DIAPH2: variants seen among roughly 807,000 people sequenced by gnomAD.
DIAPH2 encodes the protein diaphanous related formin 2.
Under a neutral mutation model 92.7 loss-of-function variants are expected in DIAPH2, and 35 were observed. That is an observed-to-expected ratio of 0.38 (90% CI 0.29 to 0.50). DIAPH2 has a LOEUF of 0.50. Among genes scored for constraint, DIAPH2 ranks in the 20% least tolerant of loss-of-function variants. The pLI is 0.94. For synonymous variants in DIAPH2, 301 were observed against 280.4 expected, an observed-to-expected ratio of 1.07 and a Z score of -0.73; for missense variants, 701 against 819.5, an observed-to-expected ratio of 0.86 and a Z score of 1.77.
intron 26 of DIAPH2, among the ~76,000 whole-genome samples, chrX:97,543,807 G>A (rs933847516): frequency 1.8e-5 from 2 of 111,132 alleles, no homozygotes; most frequent in African/African-American, 6.5e-5. Context: ...TGCCTGCCCA[G>A]GAGGAACTAT....
intron 19 of DIAPH2, 111 bp downstream of exon 19, chrX:97,075,372 A>G (rs1478159494): frequency 2.5e-6 from 1 of 397,610 alleles, no homozygotes; most frequent in African/African-American, 2.6e-5. Flanking sequence ...TTTTAAAAAG[A>G]CATTGAATAG....
chrX:97,079,132 G>A (rs758179096), intron 19 of DIAPH2, among the ~76,000 whole-genome samples: 6 of 110,433 alleles, frequency 5.4e-5, no homozygotes, highest in South Asian at 3.9e-4. Context: ...CACACTCTCC[G>A]GTTTGCCACA....
At chrX:97,196,806 G>C (rs1288997303) in intron 22 of DIAPH2, among the ~76,000 whole-genome samples, 1 of 103,107 alleles carries the variant, frequency 9.7e-6, no homozygotes, top group Non-Finnish European at 2.0e-5. Flanking sequence ...TTTTTTTTGA[G>C]ATGGAGTTTT....
At chrX:97,293,304 G>A (rs1372935108) in intron 23 of DIAPH2, among the ~76,000 whole-genome samples, 2 of 90,440 alleles carry the variant, frequency 2.2e-5, no homozygotes, top group African/African-American at 4.3e-5. Flanking sequence ...AGTCTGGAGT[G>A]CAGTGGCACA....
chrX:97,437,071 C>T (rs1479891526), intron 26 of DIAPH2, among the ~76,000 whole-genome samples: 1 of 111,031 alleles, frequency 9.0e-6, no homozygotes, highest in Admixed American at 9.6e-5. Context: ...AAGCTCATAA[C>T]AGATCCCACG....
intron 22 of DIAPH2, among the ~76,000 whole-genome samples, chrX:97,231,861 A>G (rs1194522620): frequency 2.7e-5 from 3 of 111,461 alleles, no homozygotes; most frequent in Non-Finnish European, 3.8e-5. Context: ...AACAACACAA[A>G]AACATCCTCC....
At chrX:96,796,642 C>T (rs1004786412) in intron 4 of DIAPH2, among the ~76,000 whole-genome samples, 3 of 111,328 alleles carry the variant, frequency 2.7e-5, no homozygotes, top group Non-Finnish European at 5.7e-5. Context: ...TTATATTATG[C>T]ATCTTAACTT....
intron 4 of DIAPH2, among the ~76,000 whole-genome samples, chrX:96,837,433 C>CTGTG (rs1168572857): frequency 1.1e-3 from 47 of 41,330 alleles, no homozygotes; most frequent in African/African-American, 2.6e-3. Flanking sequence ...CTCTCTCTCT[C>CTGTG]TGTGTGTGTG....
chrX:96,816,462 A>G (rs912494812), intron 4 of DIAPH2, among the ~76,000 whole-genome samples: 1 of 112,504 alleles, frequency 8.9e-6, no homozygotes, highest in Non-Finnish European at 1.9e-5. Context: ...AGAGAGATGC[A>G]TATGAAAAGA....
At chrX:97,214,293 G>A (rs755041981) in intron 22 of DIAPH2, among the ~76,000 whole-genome samples, 3 of 111,115 alleles carry the variant, frequency 2.7e-5, no homozygotes, top group Non-Finnish European at 5.7e-5. Context: ...GTGTGTGCAT[G>A]TGTGTATAGT....
Position 97,585,115 on chromosome X carries a change from G to C in DIAPH2, c.3242-14138G>C, listed in dbSNP as rs759623527. ...TATATAAGCCTTTTTGTATATCAGT[G>C]ATCAGTACACTAGTCACTCATAAGG... is the stretch of plus-strand genomic sequence containing the variant. On this transcript the variant is annotated intron_variant, in intron 26 of 26. Transcript: ENST00000324765. 2.7e-5 allele frequency among the ~76,000 whole-genome samples: 3 copies of C among 111,611 alleles called. No individual in the cohort carries two copies. The East Asian group carries it at 8.5e-4, about 32-fold the overall frequency.
At chrX:97,359,419 T>A (rs1032050549) in intron 24 of DIAPH2, among the ~76,000 whole-genome samples, 14 of 109,358 alleles carry the variant, frequency 1.3e-4, no homozygotes, top group African/African-American at 4.7e-4. Context: ...AAAATGAGAG[T>A]AAGTGTCCTA....
At chrX:96,961,326 G>A in intron 16 of DIAPH2, among the ~76,000 whole-genome samples, 1 of 107,954 alleles carries the variant, frequency 9.3e-6, no homozygotes, top group Non-Finnish European at 1.9e-5. Flanking sequence ...AGTAGTCTCT[G>A]ATATCTTTTG....
At chrX:97,060,181 GAAGCAAC>G (rs1205875808) in intron 17 of DIAPH2, among the ~76,000 whole-genome samples, 1 of 112,578 alleles carries the variant, frequency 8.9e-6, no homozygotes, top group Non-Finnish European at 1.9e-5. Context: ...AGCCATGAGG[GAAGCAAC>G]AATGATCCCC....
chrX:96,758,252 C>T lies in DIAPH2; in HGVS notation c.441C>T (p.Ala147=). ...EMVVQYISAT[A]KSGGLKNSKH... ...TTGTCCAGTATATTTCTGCCACTGC[C>T]AAATCTGTAAGTAGGGAGATTTTTC... Residue 147 remains alanine (A), a synonymous_variant, in exon 4 of 27, where the codon GCC becomes GCT. Coordinates refer to ENST00000324765, the MANE Select transcript of DIAPH2 (RefSeq NM_006729.5). 1 of 1,198,426 alleles carries T rather than the reference C, an allele frequency of 8.3e-7. No homozygotes were observed. Among genetic ancestry groups the T allele is most frequent in the Non-Finnish European group, 1.1e-6 (1 of 889,782 alleles).
At chrX:97,507,233 T>A (rs1043973074) in intron 26 of DIAPH2, among the ~76,000 whole-genome samples, 1 of 110,036 alleles carries the variant, frequency 9.1e-6, no homozygotes, top group African/African-American at 3.3e-5. Context: ...CGCATCTTAT[T>A]TTTGTAAATA....
In DIAPH2 at chrX:97,135,267, C is replaced by T. The variant is rs763636440; in HGVS notation, c.2590-6398C>T. Among the ~76,000 whole-genome samples the T allele has an allele frequency of 3.6e-5, 4 of 111,274 alleles. No individual in the cohort carries two copies. In the South Asian group the frequency reaches 1.5e-3, roughly 43 times the overall value. ...AGGCTGGAGTGCAGTGGCGCAATCTCGGCTCACTGCAACCTCCACCTCCTG... is the reference window on the plus strand; with the variant it reads ...AGGCTGGAGTGCAGTGGCGCAATCTTGGCTCACTGCAACCTCCACCTCCTG... On this transcript the variant is annotated intron_variant, in intron 21 of 26. Coordinates refer to ENST00000324765, the MANE Select transcript of DIAPH2 (RefSeq NM_006729.5).
At chrX:96,872,248 C>G (rs1471297634) in intron 4 of DIAPH2, among the ~76,000 whole-genome samples, 4 of 110,812 alleles carry the variant, frequency 3.6e-5, no homozygotes, top group Non-Finnish European at 5.7e-5. Context: ...ATCCCCATTT[C>G]CCCTCCCCAC....
At chrX:97,574,955 C>A (rs1010683490) in intron 26 of DIAPH2, among the ~76,000 whole-genome samples, 2 of 112,059 alleles carry the variant, frequency 1.8e-5, no homozygotes, top group African/African-American at 6.5e-5. Context: ...TGCACTAGAG[C>A]AGTGACAGTG....
Sources: allele counts gnomAD v4.1 joint callset (sites outside exome capture counted in the v4.1 genomes callset), GRCh38; gene constraint gnomAD v4.1.1; transcripts MANE v1.5; gene names NCBI Gene and HGNC (gene_info 2026-07-23, HGNC 2026-07-21).